KIAA1549L: variants seen among roughly 807,000 people sequenced by gnomAD.
The protein encoded by KIAA1549L is UPF0606 protein KIAA1549L.
KIAA1549L carries 88 observed loss-of-function variants against 160.7 expected under a neutral mutation model. The ratio of observed to expected loss-of-function variants is 0.55; its 90% CI spans 0.46 to 0.65. The LOEUF (loss-of-function observed/expected upper bound fraction) is 0.65, where lower values mean the gene tolerates loss of function less well. Among genes scored for constraint, KIAA1549L ranks in the 30% least tolerant of loss-of-function variants. The probability of loss-of-function intolerance (pLI) is 0.00; values close to 1 mark genes in which losing one functional copy is unlikely to be tolerated. For synonymous variants in KIAA1549L, 950 were observed against 976.7 expected (o/e 0.97, Z 0.51); for missense variants, 2,258 against 2,437.5 (o/e 0.93, Z 1.55).
At chr11:33,575,220 A>C (rs749107720) in intron 10 of KIAA1549L, among the ~76,000 whole-genome samples, 2 of 152,240 alleles carry the variant, frequency 1.3e-5, no homozygotes, top group Non-Finnish European at 2.9e-5. Context: ...AAAGTTCTAC[A>C]TGAAGTCGCT....
Position 33,666,857 on chromosome 11 carries a change from A to G in KIAA1549L, c.6160-1016A>G, listed in dbSNP as rs1014094240. Among the ~76,000 whole-genome samples, 92 of 152,200 alleles carry G rather than the reference A, an allele frequency of 6.0e-4. 1 individual carries two copies. The highest frequency in any genetic ancestry group is 1.8e-4 in the Non-Finnish European group (12 of 68,036). The stretch of plus-strand genomic sequence containing the variant: ...GTCGCCTTAGACCGTGGCACTCTTC[A>G]GTTTCCTCATCTGCAAGGTAAGGCT... On this transcript the variant is annotated intron_variant, in intron 20 of 20. Coordinates refer to ENST00000658780, the MANE Select transcript of KIAA1549L (RefSeq NM_012194.3).
chr11:33,569,980 G>A (rs1855188537), intron 9 of KIAA1549L, among the ~76,000 whole-genome samples: 1 of 150,274 alleles, frequency 6.7e-6, no homozygotes, highest in East Asian at 2.0e-4. Flanking sequence ...GGCCCAGAGA[G>A]GTGTTCTTTC....
At position 33,551,074 on chromosome 11, in the gene KIAA1549L, T is replaced by C. The variant is rs1383543931; in HGVS notation, c.3536T>C (p.Val1179Ala). Residue 1179 changes from valine to alanine, a missense_variant, in exon 5 of 21, where the codon GTT becomes GCT. By Grantham distance (64) the Val-to-Ala change is moderately conservative. Transcript: ENST00000658780. The part of the protein sequence containing the change: ...DILEYSHNVT[V>A]GYYATKGKLV... ...CTGGAATATTCTCATAATGTCACAG[T>C]TGGTTATTATGCTACCAAAGGGAAG... 2 of 1,613,872 alleles carry C rather than the reference T, an allele frequency of 1.2e-6. No individual in the cohort carries two copies. The highest frequency in any genetic ancestry group is 1.3e-5 in the African/African-American group (1 of 74,936).
Position 33,667,104 on chromosome 11 carries a change from G to A in KIAA1549L, c.6160-769G>A, listed in dbSNP as rs988720219. On this transcript the variant is annotated intron_variant, in intron 20 of 20. Coordinates refer to ENST00000658780, the MANE Select transcript of KIAA1549L (RefSeq NM_012194.3). Reference sequence around the variant, plus strand: ...CCCAGCTACTCAGGAGGCTGAGGCAGGAGAATCACTCGAGCCCCAGAGTTC... The same window carrying A: ...CCCAGCTACTCAGGAGGCTGAGGCAAGAGAATCACTCGAGCCCCAGAGTTC... Among the ~76,000 whole-genome samples the A allele has an allele frequency of 2.0e-5, 3 of 152,208 alleles. No homozygotes were observed. In the South Asian group the frequency reaches 6.2e-4, roughly 31 times the overall value.
intron 10 of KIAA1549L, among the ~76,000 whole-genome samples, chr11:33,580,004 G>A (rs1855580946): frequency 1.3e-5 from 2 of 152,144 alleles, no homozygotes; most frequent in South Asian, 2.1e-4. Flanking sequence ...GAGAGTTTCT[G>A]CATTCTGTGT....
intron 1 of KIAA1549L, among the ~76,000 whole-genome samples, chr11:33,454,112 C>T (rs1306150545): frequency 2.0e-5 from 3 of 152,204 alleles, no homozygotes; most frequent in South Asian, 2.1e-4. Flanking sequence ...CATCTGTAAA[C>T]AGCTGTTACA....
chr11:33,603,737 C>T (rs1350849304), intron 13 of KIAA1549L, among the ~76,000 whole-genome samples: 3 of 150,960 alleles, frequency 2.0e-5, no homozygotes, highest in African/African-American at 7.3e-5. Flanking sequence ...ACCCAGGAGG[C>T]GGAGGTTGCA....
intron 1 of KIAA1549L, among the ~76,000 whole-genome samples, chr11:33,420,839 GT>G (rs1253770619): frequency 6.6e-6 from 1 of 152,138 alleles, no homozygotes; most frequent in African/African-American, 2.4e-5. Context: ...ATTCCCACCT[GT>G]TAGGGATGTA....
At chr11:33,430,908 A>G (rs2132914561) in intron 1 of KIAA1549L, among the ~76,000 whole-genome samples, 1 of 152,334 alleles carries the variant, frequency 6.6e-6, no homozygotes, top group East Asian at 1.9e-4. Flanking sequence ...TCTTGGTCTC[A>G]CTGACTTCCA....
At chr11:33,395,518 A>G (rs895564433) in intron 1 of KIAA1549L, among the ~76,000 whole-genome samples, 2 of 152,202 alleles carry the variant, frequency 1.3e-5, no homozygotes, top group Admixed American at 6.5e-5. Context: ...AAGGCTTTCT[A>G]TAATATGAAA....
chr11:33,599,121 A>G, intron 13 of KIAA1549L, 174 bp downstream of exon 13: 1 of 591,560 alleles, frequency 1.7e-6, no homozygotes, highest in Admixed American at 3.3e-5. Flanking sequence ...TTGGGTTCTC[A>G]CCTTACCCCT....
chr11:33,617,894 T>C (rs1399027824), intron 15 of KIAA1549L, among the ~76,000 whole-genome samples: 1 of 149,146 alleles, frequency 6.7e-6, no homozygotes, highest in Non-Finnish European at 1.5e-5. Flanking sequence ...GATGGATAGA[T>C]GTGGATGGAT....
At chr11:33,458,240 A>G (rs1176939398) in intron 1 of KIAA1549L, among the ~76,000 whole-genome samples, 3 of 152,254 alleles carry the variant, frequency 2.0e-5, no homozygotes, top group Admixed American at 6.5e-5. Flanking sequence ...CTGGACTACC[A>G]TCATGAATGA....
At chr11:33,535,859 G>A (rs370565585) in intron 1 of KIAA1549L, among the ~76,000 whole-genome samples, 1 of 151,820 alleles carries the variant, frequency 6.6e-6, no homozygotes, top group African/African-American at 2.4e-5. Flanking sequence ...CTGTAATTTG[G>A]TTTTGCCCTA....
rs1291296858 is a variant in KIAA1549L, at chr11:33,673,278, A to G, written c.*5124A>G. 1 of 152,194 alleles carries G rather than the reference A, an allele frequency of 6.6e-6. No homozygotes were observed. Among genetic ancestry groups the G allele is most frequent in the Admixed American group, 6.5e-5 (1 of 15,280 alleles). The allele number at this position is 152,194 out of a possible 1,614,324, so 9.4% of individuals were successfully genotyped here. A position where few individuals can be genotyped will look rare whatever the true frequency, so the allele number is the denominator to read the frequency against. On this transcript the variant is annotated 3_prime_UTR_variant, in exon 21 of 21. Coordinates refer to ENST00000658780, the MANE Select transcript of KIAA1549L (RefSeq NM_012194.3). ...GAGCCATTATAAGTGAAATCTAAAA[A>G]TTGATCGTTTTCATTCTCTGACTTT... is the stretch of plus-strand genomic sequence containing the variant.
intron 1 of KIAA1549L, among the ~76,000 whole-genome samples, chr11:33,422,399 A>C (rs1851031494): frequency 6.6e-6 from 1 of 152,102 alleles, no homozygotes; most frequent in East Asian, 1.9e-4. Flanking sequence ...CTGCACCAGG[A>C]GTGCTCCCTC....
At chr11:33,568,297 C>G (rs1222548895) in intron 9 of KIAA1549L, 70 bp downstream of exon 9, 174 of 1,448,652 alleles carry the variant, frequency 1.2e-4, no homozygotes, top group Non-Finnish European at 1.6e-4. Flanking sequence ...CTTCCTGAGA[C>G]TAAATAAGTC....
rs187299373 is a variant in KIAA1549L at position 33,629,743 on chromosome 11, G to A, written c.5409+11081G>A. Among the ~76,000 whole-genome samples, 738 of 150,660 alleles carry A rather than the reference G, an allele frequency of 4.9e-3. 27 individuals are homozygous for A. The highest frequency in any genetic ancestry group is 0.018 in the African/African-American group (704 of 40,126). On this transcript the variant is annotated intron_variant, in intron 16 of 20. Coordinates refer to ENST00000658780, the MANE Select transcript of KIAA1549L (RefSeq NM_012194.3). Reference sequence around the variant, plus strand: ...TTGCCTTTGGTTCGAATGTCCTCCCGTAGCTCGGAGTAATTTGATCGTCTG... The same window carrying A: ...TTGCCTTTGGTTCGAATGTCCTCCCATAGCTCGGAGTAATTTGATCGTCTG...
chr11:33,506,924 A>G (rs1003024060), intron 1 of KIAA1549L, among the ~76,000 whole-genome samples: 2 of 152,134 alleles, frequency 1.3e-5, no homozygotes, highest in African/African-American at 4.8e-5. Flanking sequence ...GGCCTAGGTT[A>G]GTGGATGGGC....
Sources: allele counts gnomAD v4.1 joint callset (sites outside exome capture counted in the v4.1 genomes callset), GRCh38; gene constraint gnomAD v4.1.1; transcripts MANE v1.5; gene names NCBI Gene and HGNC (gene_info 2026-07-23, HGNC 2026-07-21).